The following HPGD variants were observed in gnomAD, a reference collection of about 807,000 sequenced individuals.
HPGD encodes the protein 15-hydroxyprostaglandin dehydrogenase.
In HPGD, 29 loss-of-function variants were observed where a neutral mutation model predicts 30.0. That is an observed-to-expected ratio of 0.97 (90% CI 0.72 to 1.32). The LOEUF (loss-of-function observed/expected upper bound fraction) is 1.32, where lower values mean the gene tolerates loss of function less well. HPGD is among the 40% of genes most tolerant of loss of function. The pLI is 0.00. For synonymous variants in HPGD, 99 were observed against 112.4 expected, an observed-to-expected ratio of 0.88 and a Z score of 0.75; for missense variants, 340 against 322.1, an observed-to-expected ratio of 1.06 and a Z score of -0.43.
chr4:174,508,254 CTTTA>C, intron 4 of HPGD: 2 of 636,228 alleles, frequency 3.1e-6, no homozygotes, highest in Non-Finnish European at 5.7e-6. Flanking sequence ...GTAAGTTTGG[CTTTA>C]TTTATTAGTT....
chr4:174,513,155 AT>A (rs1735596432), intron 3 of HPGD, among the ~76,000 whole-genome samples: 1 of 152,200 alleles, frequency 6.6e-6, no homozygotes, highest in African/African-American at 2.4e-5. Flanking sequence ...TACTCTATTA[AT>A]TTTATCTGTA....
At chr4:174,497,558 C>CTTTTCTTTTT (rs1734657328) in intron 4 of HPGD, among the ~76,000 whole-genome samples, 1 of 50,716 alleles carries the variant, frequency 2.0e-5, no homozygotes, top group African/African-American at 6.7e-5. Context: ...TCTTTTCTTT[C>CTTTTCTTTTT]TTTTTCTTTC....
rs1388053030 is a variant in HPGD at position 174,496,980 on chromosome 4, G to A, written c.422-1356C>T. On this transcript the variant is annotated intron_variant, in intron 4 of 6. Transcript: ENST00000296522. The surrounding 1 kb of genome is among the most constrained non-coding windows in gnomAD (Gnocchi z 4.6). ...TAAAATGTGTAAGTTAATTAAGTTT[G>A]TCAGTGTCAGTCAACAAGAATTTAT... Among the ~76,000 whole-genome samples the A allele has an allele frequency of 1.3e-5, 2 of 152,220 alleles. No homozygotes were observed. Among genetic ancestry groups the A allele is most frequent in the African/African-American group, 4.8e-5 (2 of 41,454 alleles).
At chr4:174,501,094 A>G (rs1734879199) in intron 4 of HPGD, among the ~76,000 whole-genome samples, 1 of 152,218 alleles carries the variant, frequency 6.6e-6, no homozygotes, top group South Asian at 2.1e-4. Context: ...TTCCTTTTAA[A>G]TGCAAAGTAT....
intron 3 of HPGD, among the ~76,000 whole-genome samples, chr4:174,512,718 A>G (rs1735570641): frequency 6.6e-6 from 1 of 152,222 alleles, no homozygotes; most frequent in African/African-American, 2.4e-5. Context: ...CAAAGGTTCC[A>G]TGGTGTTTTC....
At chr4:174,493,057 T>C in intron 6 of HPGD, 94 bp downstream of exon 6, 1 of 1,173,054 alleles carries the variant, frequency 8.5e-7, no homozygotes, top group Non-Finnish European at 1.2e-6. Context: ...TGTTCATTTC[T>C]CAACTGTATA....
chr4:174,502,479 C>T (rs548438311), intron 4 of HPGD, among the ~76,000 whole-genome samples: 1 of 152,084 alleles, frequency 6.6e-6, no homozygotes, highest in East Asian at 1.9e-4. Context: ...GAGATGGTGA[C>T]CATCCTGGCT....
At chr4:174,512,808 G>A (rs1735576507) in intron 3 of HPGD, among the ~76,000 whole-genome samples, 1 of 152,140 alleles carries the variant, frequency 6.6e-6, no homozygotes, top group South Asian at 2.1e-4. Context: ...GAAAAATAAA[G>A]GCTGGATAAA....
chr4:174,518,247 A>T (rs45525332), intron 2 of HPGD, among the ~76,000 whole-genome samples, 170 bp from the exon 3 acceptor site: 5,844 of 152,270 alleles, frequency 0.038, 376 homozygotes, highest in African/African-American at 0.13. Flanking sequence ...TGGTTTGTGG[A>T]CTAGAAGCAT....
chr4:174,511,149 T>C (rs2110844159), intron 3 of HPGD, among the ~76,000 whole-genome samples: 1 of 152,166 alleles, frequency 6.6e-6, no homozygotes, highest in African/African-American at 2.4e-5. Context: ...GACTGGATTC[T>C]AATTTTGACT....
intron 4 of HPGD, among the ~76,000 whole-genome samples, chr4:174,505,730 A>T (rs985653007): frequency 2.6e-5 from 4 of 152,220 alleles, no homozygotes; most frequent in African/African-American, 9.6e-5. Flanking sequence ...GCCAGTGGCA[A>T]CGAGGAAACA....
rs1182822152 is a variant in HPGD at position 174,496,790 on chromosome 4, C to G, written c.422-1166G>C. On this transcript the variant is annotated intron_variant, in intron 4 of 6. Transcript: ENST00000296522. The surrounding 1 kb of genome is among the most constrained non-coding windows in gnomAD (Gnocchi z 4.6). ...GCCAAAGTTCAGCAATAAATGCAGA[C>G]CATAACCACTCCCTGGGTGCCTGCC... 6.6e-6 allele frequency among the ~76,000 whole-genome samples: 1 copy of G among 152,132 alleles called. No homozygotes were observed. The highest frequency in any genetic ancestry group is 1.5e-5 in the Non-Finnish European group (1 of 68,030).
rs933540097 is a variant in HPGD at position 174,494,699 on chromosome 4, C to T, written c.498+849G>A. Among the ~76,000 whole-genome samples the T allele has an allele frequency of 1.3e-5, 2 of 152,186 alleles. No individual in the cohort carries two copies. Among genetic ancestry groups the T allele is most frequent in the Non-Finnish European group, 2.9e-5 (2 of 68,034 alleles). ...TTTTCTCTTCATCTCTCTAGCTGCT[C>T]TCTTTGTCTCACCTAGATGAACCAC... On this transcript the variant is annotated intron_variant, in intron 5 of 6. Coordinates refer to ENST00000296522, the MANE Select transcript of HPGD (RefSeq NM_000860.6). This position sits in a 1 kb window ranked among gnomAD's most constrained non-coding sequence, Gnocchi z 4.9.
At chr4:174,497,572 T>C (rs111239628) in intron 4 of HPGD, among the ~76,000 whole-genome samples, 1,082 of 9,574 alleles carry the variant, frequency 0.11, 43 homozygotes, top group East Asian at 0.47. Flanking sequence ...TTCTTTCTTT[T>C]TTTTTTTTTT....
At chr4:174,497,568 CTTTTTTTTTTTTT>C (rs778825547) in intron 4 of HPGD, among the ~76,000 whole-genome samples, 2 of 51,114 alleles carry the variant, frequency 3.9e-5, no homozygotes, top group Admixed American at 2.3e-4. Context: ...CTTTTTCTTT[CTTTTTTTTTTTTT>C]TTTTTTTTTT....
At chr4:174,501,986 A>G (rs75869012) in intron 4 of HPGD, among the ~76,000 whole-genome samples, 3 of 152,332 alleles carry the variant, frequency 2.0e-5, no homozygotes, top group Non-Finnish European at 4.4e-5. Context: ...GGAGAGAGAA[A>G]CCATGTAGAA....
intron 4 of HPGD, 141 bp downstream of exon 4, chr4:174,508,555 T>G: frequency 1.5e-6 from 1 of 651,886 alleles, no homozygotes; most frequent in South Asian, 1.7e-5. Flanking sequence ...TATTTTGCAA[T>G]AGAAAATTCC....
Position 174,514,694 on chromosome 4 carries a change from G to A in HPGD, c.324+3277C>T, listed in dbSNP as rs536942307. 9.2e-5 allele frequency among the ~76,000 whole-genome samples: 14 copies of A among 152,030 alleles called. No homozygotes were observed. In the South Asian group the frequency reaches 2.9e-3, roughly 32 times the overall value. ...AATCTGGCAAGAGAAAGGAATAAAG[G>A]GCATCTAAATAAGAAGAGAGGAAGT... On this transcript the variant is annotated intron_variant, in intron 3 of 6. Coordinates refer to ENST00000296522, the MANE Select transcript of HPGD (RefSeq NM_000860.6).
intron 4 of HPGD, among the ~76,000 whole-genome samples, chr4:174,505,240 G>C (rs1735124954): frequency 6.6e-6 from 1 of 152,154 alleles, no homozygotes; most frequent in Non-Finnish European, 1.5e-5. Context: ...GTTTTACTGT[G>C]ACAGTGAAGG....
Sources: gnomAD v4.1 joint callset for allele counts (sites outside exome capture counted in the v4.1 genomes callset) on GRCh38, gnomAD v4.1.1 for gene constraint, Gnocchi (gnomAD v3.1) non-coding constraint, MANE v1.5 for transcripts, NCBI Gene and HGNC (gene_info 2026-07-23, HGNC 2026-07-21) for gene names.